Variants in DPH6 observed in about 807,000 individuals in gnomAD.
The protein encoded by DPH6 is diphthamine biosynthesis 6.
DPH6 carries 33 observed loss-of-function variants against 38.2 expected under a neutral mutation model. The observed-to-expected ratio is 0.86, with a 90% CI of 0.65 to 1.15. The LOEUF is 1.15. DPH6 is among the 50% of genes most tolerant of loss of function. The probability of loss-of-function intolerance (pLI) is 0.00; values close to 1 mark genes in which losing one functional copy is unlikely to be tolerated. For missense variants in DPH6, 325 were observed against 320.0 expected (o/e 1.02, Z -0.12); for synonymous variants, 108 against 103.0 (o/e 1.05, Z -0.30).
In DPH6 at chr15:35,370,979, C is replaced by A. The variant is rs564501040; in HGVS notation, c.*1171G>T. 6.0e-5 allele frequency: 9 copies of A among 151,204 alleles called. No homozygotes were observed. Among genetic ancestry groups the A allele is most frequent in the South Asian group, 4.2e-4 (2 of 4,812 alleles). The allele number at this position is 151,204 out of a possible 1,614,324, so 9.4% of individuals were successfully genotyped here. ...CATGGACAAATGAAATGTGGTAGAA[C>A]CAGACAATAAAATTTTATTCTACAC... On this transcript the variant is annotated 3_prime_UTR_variant, in exon 9 of 9. Transcript: ENST00000256538.
At chr15:35,542,207 T>C (rs779232802) in intron 2 of DPH6, among the ~76,000 whole-genome samples, 21 of 152,076 alleles carry the variant, frequency 1.4e-4, no homozygotes, top group Admixed American at 4.6e-4. Flanking sequence ...AGATTAATAG[T>C]GCATCTCTAT....
intron 3 of DPH6, among the ~76,000 whole-genome samples, chr15:35,533,340 T>A (rs1242133144): frequency 1.3e-5 from 2 of 152,096 alleles, no homozygotes; most frequent in Non-Finnish European, 2.9e-5. Context: ...ATCAAAGTCA[T>A]CTTCTCCCAA....
chr15:35,284,801 A>ATTT (rs71123127), intron 3 of DPH6, among the ~76,000 whole-genome samples: 2,498 of 79,206 alleles, frequency 0.032, 294 homozygotes, highest in East Asian at 0.074. Context: ...AAGTCTCCAA[A>ATTT]TTTTTTTTTT....
intron 3 of DPH6, among the ~76,000 whole-genome samples, chr15:35,347,597 A>ACTAGATATCTGGACTAAATATTTG (rs375987019): frequency 6.6e-6 from 1 of 151,808 alleles, no homozygotes; most frequent in Admixed American, 6.6e-5. Flanking sequence ...ATAAACTTGG[A>ACTAGATATCTGGACTAAATATTTG]GTCCAAATAT....
intron 7 of DPH6, among the ~76,000 whole-genome samples, chr15:35,379,047 A>G (rs1184282369): frequency 1.3e-5 from 2 of 152,120 alleles, no homozygotes; most frequent in Admixed American, 6.6e-5. Flanking sequence ...TTTAGAGGAG[A>G]ATCTGTTCCT....
chr15:35,451,523 T>A (rs1337362569), intron 4 of DPH6, among the ~76,000 whole-genome samples: 1 of 152,134 alleles, frequency 6.6e-6, no homozygotes, highest in Admixed American at 6.5e-5. Context: ...AATGAAATCA[T>A]CCTTTCCTTT....
At chr15:35,504,069 AAAG>A (rs1227318730) in intron 3 of DPH6, among the ~76,000 whole-genome samples, 1 of 152,038 alleles carries the variant, frequency 6.6e-6, no homozygotes, top group Non-Finnish European at 1.5e-5. Flanking sequence ...CAAGATCTCA[AAAG>A]ACCTAGCCCC....
chr15:35,335,045 C>T (rs1442239766), intron 3 of DPH6, among the ~76,000 whole-genome samples: 2 of 151,976 alleles, frequency 1.3e-5, no homozygotes, highest in Non-Finnish European at 2.9e-5. Context: ...CCTTTTTCTC[C>T]ACAACCTTGC....
rs74008100 is a variant in DPH6 at position 35,468,644 on chromosome 15, C to T, written c.313-13824G>A. On this transcript the variant is annotated intron_variant, in intron 3 of 8. Transcript: ENST00000256538. The stretch of plus-strand genomic sequence containing the variant: ...ACTTAAGGGACCAAATCTGTAACCC[C>T]AATGGACAGGATTATCAGAGGTTAT... Among the ~76,000 whole-genome samples the T allele has an allele frequency of 6.7e-3, 1,012 of 151,966 alleles. 14 individuals carry two copies. The highest frequency in any genetic ancestry group is 0.024 in the African/African-American group (975 of 41,438).
At chr15:35,299,305 C>T in intron 3 of DPH6, 2 of 1,014,836 alleles carry the variant, frequency 2.0e-6, no homozygotes, top group Admixed American at 1.7e-5. Context: ...AAGAACTGTA[C>T]CTTGTTTCGT....
At chr15:35,425,192 T>C (rs993356237) in intron 5 of DPH6, among the ~76,000 whole-genome samples, 1 of 151,568 alleles carries the variant, frequency 6.6e-6, no homozygotes, top group Non-Finnish European at 1.5e-5. Flanking sequence ...TCAGCTAAGA[T>C]AGTATGTCTC....
chr15:35,381,816 T>A lies in DPH6; in HGVS notation c.662+6A>T, dbSNP rs778702998. ...AAAAAAAGAAAATGCTGAAATGATA[T>A]CTTACACAATTATTTTCTTCTTAAA... is the stretch of plus-strand genomic sequence containing the variant. On this transcript the variant is annotated splice_donor_region_variant and intron_variant, in intron 7 of 8. Transcript: ENST00000256538. 4 of 1,601,390 alleles carry A rather than the reference T, an allele frequency of 2.5e-6. No individual in the cohort carries two copies. Among genetic ancestry groups the A allele is most frequent in the South Asian group, 2.2e-5 (2 of 90,344 alleles).
chr15:35,181,732 A>G, the DPH6 span: 4 of 152,178 alleles, frequency 2.6e-5, no homozygotes, highest in African/African-American at 9.6e-5. Flanking sequence ...CATAGAGAGA[A>G]ATAGTGGAAG....
At chr15:35,299,407 G>C in intron 3 of DPH6, 2 of 799,438 alleles carry the variant, frequency 2.5e-6, no homozygotes, top group Non-Finnish European at 4.6e-6. Flanking sequence ...TTCTGTTTTT[G>C]AGTCACTGGT....
At chr15:35,468,369 T>C (rs1294890846) in intron 3 of DPH6, among the ~76,000 whole-genome samples, 1 of 152,218 alleles carries the variant, frequency 6.6e-6, no homozygotes. Flanking sequence ...ATCACTGAGC[T>C]GCCTATCCAC....
rs372323029 is a variant in DPH6 at position 35,528,262 on chromosome 15, T to C, written c.312+10012A>G. On this transcript the variant is annotated intron_variant, in intron 3 of 8. Transcript: ENST00000256538. ...GTATTAAGAACTGATTCTGATTAAATGAACCCATATTGATATGAAGCATCT... is the reference window on the plus strand; with the variant it reads ...GTATTAAGAACTGATTCTGATTAAACGAACCCATATTGATATGAAGCATCT... Among the ~76,000 whole-genome samples the C allele has an allele frequency of 8.7e-4, 132 of 152,298 alleles. 4 individuals are homozygous for C. The South Asian group carries it at 0.026, about 30-fold the overall frequency.
chr15:35,303,870 T>G (rs1017012112), intron 3 of DPH6, among the ~76,000 whole-genome samples: 3 of 151,972 alleles, frequency 2.0e-5, no homozygotes, highest in African/African-American at 7.2e-5. Flanking sequence ...ATCATTTTTT[T>G]TTCATTTATA....
At chr15:35,202,339 T>C in the DPH6 span, among the ~76,000 whole-genome samples, 1 of 151,796 alleles carries the variant, frequency 6.6e-6, no homozygotes, top group African/African-American at 2.4e-5. Context: ...AGAACTTTCA[T>C]GTTACCACAG....
chr15:35,489,857 C>A, intron 3 of DPH6: 1 of 969,550 alleles, frequency 1.0e-6, no homozygotes, highest in Non-Finnish European at 1.2e-6. Flanking sequence ...TAAGAGTTAC[C>A]TGGATTATAC....
Sources: allele counts gnomAD v4.1 joint callset (sites outside exome capture counted in the v4.1 genomes callset), GRCh38; gene constraint gnomAD v4.1.1; transcripts MANE v1.5; gene names NCBI Gene and HGNC (gene_info 2026-07-23, HGNC 2026-07-21).